Variants in DIP2B observed in about 807,000 individuals in gnomAD.
DIP2B encodes the protein disco-interacting protein 2 homolog B.
Under a neutral mutation model 198.0 loss-of-function variants are expected in DIP2B, and 76 were observed. The observed-to-expected ratio is 0.38, with a 90% CI of 0.32 to 0.46. DIP2B has a LOEUF of 0.46. DIP2B is among the 20% of genes least tolerant of loss of function. DIP2B has a pLI of 0.99. For missense variants in DIP2B, 1,559 were observed against 1,978.4 expected (o/e 0.79, Z 4.02); for synonymous variants, 701 against 739.1 (o/e 0.95, Z 0.84).
In DIP2B at chr12:50,697,163, T is replaced by C. The variant is rs149361274; in HGVS notation, c.2036T>C (p.Val679Ala). 1.9e-5 allele frequency: 30 copies of C among 1,613,932 alleles called. 1 individual carries two copies. In the African/African-American group the frequency reaches 3.6e-4, roughly 19 times the overall value. Residue 679 changes from valine (V) to alanine (A), a missense_variant, in exon 17 of 38, where the codon GTA becomes GCA. Transcript: ENST00000301180. The part of the protein sequence containing the change: ...PCATSAEAMT[V>A]AIRRPGVPGA... ...GCCACGTCTGCTGAAGCCATGACTG[T>C]AGCAATCCGCAGGTACTGTTCAGGA...
intron 12 of DIP2B, among the ~76,000 whole-genome samples, chr12:50,687,686 G>C (rs1383782026): frequency 6.6e-6 from 1 of 151,988 alleles, no homozygotes; most frequent in Non-Finnish European, 1.5e-5. Context: ...TTGAACAATA[G>C]GAACACATGG....
intron 2 of DIP2B, among the ~76,000 whole-genome samples, chr12:50,628,644 A>G (rs932371563): frequency 1.3e-5 from 2 of 152,084 alleles, no homozygotes; most frequent in Non-Finnish European, 2.9e-5. Flanking sequence ...ATTACTGTCT[A>G]TTTAAAAAAG....
chr12:50,648,599 G>A (rs1938392863), intron 3 of DIP2B, among the ~76,000 whole-genome samples: 2 of 150,966 alleles, frequency 1.3e-5, no homozygotes, highest in South Asian at 2.1e-4. Flanking sequence ...TCCTGGCCTC[G>A]TGATCCGCCC....
At chr12:50,603,613 T>A (rs1593648785) in intron 1 of DIP2B, among the ~76,000 whole-genome samples, 1 of 151,800 alleles carries the variant, frequency 6.6e-6, no homozygotes, top group Non-Finnish European at 1.5e-5. Context: ...CTCCAGCTAC[T>A]CGGGAGGGTG....
chr12:50,603,817 A>G (rs563348814), intron 1 of DIP2B, among the ~76,000 whole-genome samples: 2 of 152,228 alleles, frequency 1.3e-5, no homozygotes, highest in East Asian at 3.9e-4. Flanking sequence ...TATTAGGAAG[A>G]TTATTGGTTG....
chr12:50,610,304 TG>T (rs1288857802), intron 1 of DIP2B, among the ~76,000 whole-genome samples: 1 of 152,118 alleles, frequency 6.6e-6, no homozygotes, highest in African/African-American at 2.4e-5. Flanking sequence ...CTAGGAGTAG[TG>T]TTTTTTTCCT....
chr12:50,559,945 T>C (rs1042323967), intron 1 of DIP2B, among the ~76,000 whole-genome samples: 4 of 151,718 alleles, frequency 2.6e-5, no homozygotes, highest in Admixed American at 2.6e-4. Context: ...TTTAAAAATA[T>C]ATCTTGTTTC....
chr12:50,711,745 A>G (rs1939620263), intron 22 of DIP2B, among the ~76,000 whole-genome samples: 1 of 152,146 alleles, frequency 6.6e-6, no homozygotes, highest in South Asian at 2.1e-4. Context: ...TATTTTTACT[A>G]GACGGGGTTT....
chr12:50,541,525 C>T (rs1958325978), intron 1 of DIP2B, among the ~76,000 whole-genome samples: 1 of 151,536 alleles, frequency 6.6e-6, no homozygotes, highest in East Asian at 1.9e-4. Flanking sequence ...CTTACTGTAG[C>T]TCTTCATATT....
rs547378229 is a variant in DIP2B, at chr12:50,697,492, A to G, written c.2048+317A>G. Among the ~76,000 whole-genome samples the G allele has an allele frequency of 1.4e-4, 19 of 135,512 alleles. 1 individual carries two copies. In the South Asian group the frequency reaches 2.4e-3, roughly 17 times the overall value. The allele number at this position is 135,512 out of a possible 152,430, so 88.9% of individuals were successfully genotyped here. A position where few individuals can be genotyped will look rare whatever the true frequency, so the allele number is the denominator to read the frequency against. ...TATAGTATATTCAAGACCATTATGT[A>G]TGTAAGTATCAGTGAATGTGTGTGT... is the stretch of plus-strand genomic sequence containing the variant. On this transcript the variant is annotated intron_variant, in intron 17 of 37. Transcript: ENST00000301180.
chr12:50,613,506 A>G (rs570933295), intron 1 of DIP2B, among the ~76,000 whole-genome samples: 1 of 152,314 alleles, frequency 6.6e-6, no homozygotes, highest in Admixed American at 6.5e-5. Context: ...TCGTAGAGAA[A>G]AGGTATCTCT....
At chr12:50,588,128 C>T (rs1441886077) in intron 1 of DIP2B, among the ~76,000 whole-genome samples, 1 of 141,470 alleles carries the variant, frequency 7.1e-6, no homozygotes, top group Non-Finnish European at 1.6e-5. Context: ...TTTGTTGGTA[C>T]TTCTTTTCTT....
chr12:50,689,783 G>A (rs1453509077), intron 12 of DIP2B, among the ~76,000 whole-genome samples: 1 of 152,138 alleles, frequency 6.6e-6, no homozygotes, highest in Admixed American at 6.5e-5. Flanking sequence ...GGAATAAAGT[G>A]AAAAGAGATA....
intron 1 of DIP2B, among the ~76,000 whole-genome samples, chr12:50,548,233 T>C (rs546677019): frequency 6.6e-6 from 1 of 152,330 alleles, no homozygotes; most frequent in South Asian, 2.1e-4. Context: ...TTATGAGTGA[T>C]ACTTTTTTTG....
intron 1 of DIP2B, among the ~76,000 whole-genome samples, chr12:50,566,989 A>AAAG (rs1958570328): frequency 6.7e-6 from 1 of 148,428 alleles, no homozygotes; most frequent in African/African-American, 2.4e-5. Flanking sequence ...AAAAAAAAAA[A>AAAG]AAAGAAAGAA....
intron 15 of DIP2B, 76 bp from the exon 16 acceptor site, chr12:50,695,772 A>T (rs1293929793): frequency 6.4e-7 from 1 of 1,560,880 alleles, no homozygotes; most frequent in Non-Finnish European, 8.7e-7. Flanking sequence ...AATAAGTAAA[A>T]ATGTTTTTAT....
intron 1 of DIP2B, among the ~76,000 whole-genome samples, chr12:50,526,203 T>C (rs1339856124): frequency 6.6e-6 from 1 of 152,152 alleles, no homozygotes; most frequent in Non-Finnish European, 1.5e-5. Context: ...TGGTGGCAGC[T>C]TTAAAGAGTA....
chr12:50,660,114 G>C, intron 3 of DIP2B, 80 bp from the exon 4 acceptor site: 1 of 1,059,384 alleles, frequency 9.4e-7, no homozygotes, highest in East Asian at 3.2e-5. Context: ...TTAAACAATT[G>C]AGGCAGTGAT....
intron 1 of DIP2B, among the ~76,000 whole-genome samples, chr12:50,525,513 C>CCT (rs1004857804): frequency 2.7e-4 from 37 of 139,342 alleles, no homozygotes; most frequent in Admixed American, 3.7e-4. Context: ...TCTAGGTCCC[C>CCT]TTTTTTTTTT....
Sources: gnomAD v4.1 joint callset for allele counts (sites outside exome capture counted in the v4.1 genomes callset) on GRCh38, gnomAD v4.1.1 for gene constraint, MANE v1.5 for transcripts, NCBI Gene and HGNC (gene_info 2026-07-23, HGNC 2026-07-21) for gene names.